The following MYBPC1 variants were observed in gnomAD, a reference collection of about 807,000 sequenced individuals.
MYBPC1 encodes the protein myosin binding protein C1.
MYBPC1 carries 52 observed loss-of-function variants against 147.1 expected under a neutral mutation model. The observed-to-expected ratio is 0.35, with a 90% CI of 0.28 to 0.45. The LOEUF (loss-of-function observed/expected upper bound fraction) is 0.45. Among genes scored for constraint, MYBPC1 ranks in the 20% least tolerant of loss-of-function variants. The probability of loss-of-function intolerance (pLI) is 1.00; values close to 1 mark genes in which losing one functional copy is unlikely to be tolerated. For missense variants in MYBPC1, 1,228 were observed against 1,440.3 expected (o/e 0.85, Z 2.39); for synonymous variants, 477 against 475.9 (o/e 1.00, Z -0.03).
At chr12:101,693,836 G>A in the MYBPC1 span, among the ~76,000 whole-genome samples, 7 of 152,206 alleles carry the variant, frequency 4.6e-5, no homozygotes, top group Non-Finnish European at 7.3e-5. Flanking sequence ...TTACAGTTAG[G>A]CATAGCAGCC....
intron 4 of MYBPC1, among the ~76,000 whole-genome samples, chr12:101,627,296 G>A (rs764651636): frequency 5.9e-5 from 9 of 152,120 alleles, no homozygotes; most frequent in Admixed American, 2.0e-4. Context: ...AGGCTGGAGT[G>A]CAGTGGTGCT....
chr12:101,596,094 T>A (rs1216700679), intron 1 of MYBPC1, among the ~76,000 whole-genome samples: 1 of 152,172 alleles, frequency 6.6e-6, no homozygotes, highest in Non-Finnish European at 1.5e-5. Context: ...ATAGTCATAG[T>A]TTTCAGTTTT....
At chr12:101,645,635 C>T (rs1302864849) in intron 12 of MYBPC1, among the ~76,000 whole-genome samples, 3 of 152,080 alleles carry the variant, frequency 2.0e-5, no homozygotes, top group South Asian at 2.1e-4. Flanking sequence ...TTGAAGATGG[C>T]CTGAATTTAC....
Position 101,644,656 on chromosome 12 carries a change from T to A in MYBPC1, c.833-8T>A. Reference sequence around the variant, plus strand: ...ATTAACATACTTTTGCTTCTTCTATTCTATCAGCTTTTGCAAAAATTCTTG... The same window carrying A: ...ATTAACATACTTTTGCTTCTTCTATACTATCAGCTTTTGCAAAAATTCTTG... On this transcript the variant is annotated splice_region_variant and splice_polypyrimidine_tract_variant and intron_variant, in intron 11 of 31. Coordinates refer to ENST00000361466, the MANE Select transcript of MYBPC1 (RefSeq NM_002465.4). The A allele has an allele frequency of 6.2e-7, 1 of 1,610,908 alleles. No homozygotes were observed.
intron 26 of MYBPC1, among the ~76,000 whole-genome samples, chr12:101,676,916 G>C (rs942925602): frequency 6.6e-6 from 1 of 152,088 alleles, no homozygotes; most frequent in African/African-American, 2.4e-5. Context: ...TAGGTAGACA[G>C]GTAGATAAAT....
intron 22 of MYBPC1, among the ~76,000 whole-genome samples, chr12:101,665,497 AT>A (rs1184779548): frequency 2.0e-5 from 3 of 151,742 alleles, no homozygotes; most frequent in East Asian, 1.9e-4. Flanking sequence ...TTTTGTTATT[AT>A]TTTTTTAATG....
At chr12:101,636,977 A>C in intron 10 of MYBPC1, 1 of 229,302 alleles carries the variant, frequency 4.4e-6, no homozygotes. Context: ...ATTTTTTTTT[A>C]AATGGGGACG....
chr12:101,695,752 G>A, the MYBPC1 span, among the ~76,000 whole-genome samples: 1 of 152,140 alleles, frequency 6.6e-6, no homozygotes, highest in Non-Finnish European at 1.5e-5. Flanking sequence ...CTGAGTTCCT[G>A]ATGACCATGG....
intron 1 of MYBPC1, among the ~76,000 whole-genome samples, chr12:101,604,286 T>C (rs142175436): frequency 6.6e-6 from 1 of 152,236 alleles, no homozygotes; most frequent in Non-Finnish European, 1.5e-5. Context: ...GACAAAAGAA[T>C]GAATTGACTA....
At chr12:101,648,389 A>G (rs900467517) in intron 14 of MYBPC1, among the ~76,000 whole-genome samples, 1 of 152,206 alleles carries the variant, frequency 6.6e-6, no homozygotes, top group African/African-American at 2.4e-5. Flanking sequence ...GGTACTTAAT[A>G]CTAAGTGGAT....
chr12:101,671,541 A>G (rs2136675916), intron 24 of MYBPC1, among the ~76,000 whole-genome samples: 1 of 152,334 alleles, frequency 6.6e-6, no homozygotes, highest in South Asian at 2.1e-4. Flanking sequence ...AGTGAAGCAG[A>G]ACACAGCCCA....
At chr12:101,675,531 G>A in intron 26 of MYBPC1, 100 bp downstream of exon 26, 3 of 1,536,048 alleles carry the variant, frequency 2.0e-6, no homozygotes, top group Admixed American at 1.7e-5. Flanking sequence ...AGCCAACTGG[G>A]GCTATGGAGA....
chr12:101,633,989 C>G (rs890897631), intron 8 of MYBPC1, among the ~76,000 whole-genome samples: 1 of 151,702 alleles, frequency 6.6e-6, no homozygotes, highest in Non-Finnish European at 1.5e-5. Flanking sequence ...CTCCGCCTCC[C>G]GGGTTCACGC....
At chr12:101,615,785 T>C (rs1310417528) in intron 2 of MYBPC1, among the ~76,000 whole-genome samples, 1 of 151,096 alleles carries the variant, frequency 6.6e-6, no homozygotes, top group Non-Finnish European at 1.5e-5. Flanking sequence ...AAGCAGGAGT[T>C]TGGAGAAGGT....
At chr12:101,670,469 G>A in intron 24 of MYBPC1, 60 bp downstream of exon 24, 3 of 1,362,728 alleles carry the variant, frequency 2.2e-6, no homozygotes, top group Admixed American at 1.7e-5. Flanking sequence ...TAGGAAGTGG[G>A]AAGAGGTACT....
chr12:101,608,862 C>T (rs543045393), intron 1 of MYBPC1, among the ~76,000 whole-genome samples: 3 of 152,124 alleles, frequency 2.0e-5, no homozygotes, highest in Non-Finnish European at 4.4e-5. Context: ...TGGGTGAATG[C>T]CCCTGGAGCC....
chr12:101,646,714 A>G (rs745577360), intron 12 of MYBPC1, 49 bp from the exon 13 acceptor site: 1 of 1,603,516 alleles, frequency 6.2e-7, no homozygotes, highest in Non-Finnish European at 8.5e-7. Context: ...AAAGAAAAGA[A>G]TAAAATCACA....
the MYBPC1 span, among the ~76,000 whole-genome samples, chr12:101,695,729 G>C: frequency 6.6e-6 from 1 of 152,178 alleles, no homozygotes; most frequent in Admixed American, 6.5e-5. Context: ...TTGGAGCAGA[G>C]AGACAGAAAA....
chr12:101,648,359 G>A (rs1893671889), intron 14 of MYBPC1, among the ~76,000 whole-genome samples: 1 of 152,120 alleles, frequency 6.6e-6, no homozygotes, highest in Admixed American at 6.5e-5. Flanking sequence ...GATCTATGTG[G>A]GTAAGCACGT....
Sources: allele counts gnomAD v4.1 joint callset (sites outside exome capture counted in the v4.1 genomes callset), GRCh38; gene constraint gnomAD v4.1.1; transcripts MANE v1.5; gene names NCBI Gene and HGNC (gene_info 2026-07-23, HGNC 2026-07-21).